CNTNAP2: variants seen among roughly 807,000 people sequenced by gnomAD.
The protein encoded by CNTNAP2 is contactin-associated protein-like 2.
Under a neutral mutation model 155.2 loss-of-function variants are expected in CNTNAP2, and 98 were observed. The ratio of observed to expected loss-of-function variants is 0.63; its 90% CI spans 0.54 to 0.75. The LOEUF (loss-of-function observed/expected upper bound fraction) is 0.75. Among genes scored for constraint, CNTNAP2 ranks in the 30% least tolerant of loss-of-function variants. The pLI, the probability that CNTNAP2 is intolerant of heterozygous loss-of-function variation, is 0.00. For synonymous variants in CNTNAP2, 651 were observed against 631.2 expected (o/e 1.03, Z -0.47); for missense variants, 1,727 against 1,688.1 (o/e 1.02, Z -0.40).
At chr7:147,510,869 A>ATATATATATATATATATATATG (rs1279688720) in intron 11 of CNTNAP2, among the ~76,000 whole-genome samples, 15 of 143,636 alleles carry the variant, frequency 1.0e-4, no homozygotes, top group African/African-American at 3.4e-4. Flanking sequence ...ATATATATAT[A>ATATATATATATATATATATATG]TAATGCTTCC....
At position 146,272,020 on chromosome 7, in the gene CNTNAP2, C is replaced by G. The variant is rs575080184; in HGVS notation, c.97+155047C>G. Reference sequence around the variant, plus strand: ...AAACTTTATAAGTAATCAAATAAAACTAAAATAATCTAACACTGTGTATTA... The same window carrying G: ...AAACTTTATAAGTAATCAAATAAAAGTAAAATAATCTAACACTGTGTATTA... On this transcript the variant is annotated intron_variant, in intron 1 of 23. Coordinates refer to ENST00000361727, the MANE Select transcript of CNTNAP2 (RefSeq NM_014141.6). 2.6e-5 allele frequency among the ~76,000 whole-genome samples: 4 copies of G among 152,174 alleles called. No homozygotes were observed. The East Asian group carries it at 7.7e-4, about 29-fold the overall frequency.
chr7:146,979,996 C>T (rs905990591), intron 3 of CNTNAP2, among the ~76,000 whole-genome samples: 2 of 152,248 alleles, frequency 1.3e-5, no homozygotes, highest in African/African-American at 2.4e-5. Flanking sequence ...TTTGCACCAA[C>T]CTGATAAATG....
At chr7:147,387,206 T>C (rs1221355206) in intron 9 of CNTNAP2, among the ~76,000 whole-genome samples, 1 of 152,170 alleles carries the variant, frequency 6.6e-6, no homozygotes, top group Non-Finnish European at 1.5e-5. Context: ...ATCAGTCCTT[T>C]ACAGCAAAAG....
At chr7:146,631,652 G>A (rs1199481626) in intron 1 of CNTNAP2, among the ~76,000 whole-genome samples, 1 of 152,128 alleles carries the variant, frequency 6.6e-6, no homozygotes, top group African/African-American at 2.4e-5. Flanking sequence ...TAAAGCAAGA[G>A]TTCTGAAAAG....
chr7:146,574,229 C>T (rs893365796), intron 1 of CNTNAP2, among the ~76,000 whole-genome samples: 2 of 151,944 alleles, frequency 1.3e-5, no homozygotes, highest in Non-Finnish European at 2.9e-5. Flanking sequence ...AAAAATAACA[C>T]GCATTTTTCT....
At chr7:146,503,653 G>A (rs1048848309) in intron 1 of CNTNAP2, among the ~76,000 whole-genome samples, 1 of 152,140 alleles carries the variant, frequency 6.6e-6, no homozygotes, top group African/African-American at 2.4e-5. Flanking sequence ...TTCTGCACAT[G>A]GTTATCCAAT....
At chr7:146,840,809 CT>C in intron 3 of CNTNAP2, among the ~76,000 whole-genome samples, 1 of 152,174 alleles carries the variant, frequency 6.6e-6, no homozygotes, top group East Asian at 1.9e-4. Context: ...TAATTTCTAG[CT>C]AAAGTGGATG....
chr7:146,820,103 G>C (rs1028443156), intron 2 of CNTNAP2, among the ~76,000 whole-genome samples: 3 of 152,174 alleles, frequency 2.0e-5, no homozygotes, highest in African/African-American at 7.2e-5. Flanking sequence ...GGTATGTAGA[G>C]CATCTCATGC....
At chr7:148,156,826 A>G (rs1490373212) in intron 17 of CNTNAP2, among the ~76,000 whole-genome samples, 1 of 152,078 alleles carries the variant, frequency 6.6e-6, no homozygotes, top group Non-Finnish European at 1.5e-5. Context: ...ATTTGGAGTT[A>G]CCCTTGATTT....
chr7:146,151,653 T>TATATAC, intron 1 of CNTNAP2, among the ~76,000 whole-genome samples: 1 of 23,712 alleles, frequency 4.2e-5, no homozygotes, highest in East Asian at 1.1e-3. Context: ...TATATATATA[T>TATATAC]ATATATATAT....
chr7:147,841,695 G>A (rs1325909534), intron 13 of CNTNAP2, among the ~76,000 whole-genome samples: 2 of 152,092 alleles, frequency 1.3e-5, no homozygotes, highest in African/African-American at 4.8e-5. Context: ...TCCCAAGTGG[G>A]AATAATTCAA....
At chr7:146,940,397 T>C (rs559480844) in intron 3 of CNTNAP2, among the ~76,000 whole-genome samples, 1 of 152,070 alleles carries the variant, frequency 6.6e-6, no homozygotes, top group Admixed American at 6.5e-5. Context: ...GGTTTCACCT[T>C]GTTGTCCAGG....
chr7:147,301,996 G>T (rs1008502566), intron 9 of CNTNAP2, among the ~76,000 whole-genome samples: 5 of 152,072 alleles, frequency 3.3e-5, no homozygotes, highest in African/African-American at 1.2e-4. Context: ...CATAATATTT[G>T]TTGGAAGTTA....
intron 12 of CNTNAP2, among the ~76,000 whole-genome samples, chr7:147,586,202 G>C (rs570650362): frequency 1.3e-5 from 2 of 152,184 alleles, no homozygotes; most frequent in South Asian, 2.1e-4. Flanking sequence ...GGAGACAAAG[G>C]TTTTATTATG....
intron 3 of CNTNAP2, among the ~76,000 whole-genome samples, chr7:146,849,279 A>G (rs956814292): frequency 2.0e-5 from 3 of 152,116 alleles, no homozygotes; most frequent in Admixed American, 6.6e-5. Flanking sequence ...TGAGTTTACA[A>G]CTGAACTGAA....
At chr7:146,796,563 G>C (rs1802772256) in intron 2 of CNTNAP2, among the ~76,000 whole-genome samples, 1 of 152,040 alleles carries the variant, frequency 6.6e-6, no homozygotes, top group Admixed American at 6.5e-5. Context: ...AGATAAAGAA[G>C]ATCTAGCTTC....
At chr7:146,642,167 T>A (rs1799720329) in intron 1 of CNTNAP2, among the ~76,000 whole-genome samples, 1 of 151,930 alleles carries the variant, frequency 6.6e-6, no homozygotes, top group Non-Finnish European at 1.5e-5. Context: ...TTTTTAATTT[T>A]ATTATTATAC....
intron 10 of CNTNAP2, among the ~76,000 whole-genome samples, chr7:147,484,222 C>T (rs1798473038): frequency 6.6e-6 from 1 of 152,156 alleles, no homozygotes; most frequent in Admixed American, 6.5e-5. Flanking sequence ...AAGTAAGTGT[C>T]TATTAAATTT....
chr7:147,876,862 G>A (rs542930298), intron 13 of CNTNAP2, among the ~76,000 whole-genome samples: 35 of 152,254 alleles, frequency 2.3e-4, no homozygotes, highest in African/African-American at 8.2e-4. Flanking sequence ...TTAGAGGGGG[G>A]TGTGCACTGT....
Sources: allele counts gnomAD v4.1 joint callset (sites outside exome capture counted in the v4.1 genomes callset), GRCh38; gene constraint gnomAD v4.1.1; transcripts MANE v1.5; gene names NCBI Gene and HGNC (gene_info 2026-07-23, HGNC 2026-07-21).